Variants in THRB observed in about 807,000 individuals in gnomAD.
THRB encodes the protein nuclear receptor subfamily 1 group A member 2.
Under a neutral mutation model 47.8 loss-of-function variants are expected in THRB, and 12 were observed. The ratio of observed to expected loss-of-function variants is 0.25; its 90% CI spans 0.16 to 0.41. THRB has a LOEUF of 0.41. Among genes scored for constraint, THRB ranks in the 10% least tolerant of loss-of-function variants. The probability of loss-of-function intolerance (pLI) is 1.00; values close to 1 mark genes in which losing one functional copy is unlikely to be tolerated. For synonymous variants in THRB, 218 were observed against 212.2 expected (o/e 1.03, Z -0.24); for missense variants, 348 against 589.2 (o/e 0.59, Z 4.24).
intron 1 of THRB, among the ~76,000 whole-genome samples, chr3:24,415,048 C>T (rs538822922): frequency 6.6e-6 from 1 of 151,938 alleles, no homozygotes; most frequent in South Asian, 2.1e-4. Flanking sequence ...TCCAGAGTAG[C>T]TTTCCAAAAA....
chr3:24,420,269 G>C (rs2150280987), intron 1 of THRB, among the ~76,000 whole-genome samples: 1 of 152,022 alleles, frequency 6.6e-6, no homozygotes, highest in East Asian at 2.0e-4. Flanking sequence ...AGGACTTCAA[G>C]ATGGAACCAG....
At chr3:24,393,772 A>G (rs554182410) in intron 1 of THRB, among the ~76,000 whole-genome samples, 1 of 152,286 alleles carries the variant, frequency 6.6e-6, no homozygotes, top group East Asian at 1.9e-4. Flanking sequence ...CTGCCAAAGA[A>G]TGAAGACTTT....
In THRB at chr3:24,182,373, C is replaced by T. The variant is rs183230969; in HGVS notation, c.283+7701G>A. Among the ~76,000 whole-genome samples the T allele has an allele frequency of 1.3e-3, 205 of 152,234 alleles. 3 individuals are homozygous for T. Among genetic ancestry groups the T allele is most frequent in the African/African-American group, 4.7e-3 (196 of 41,540 alleles). ...TGTAAGGCTGACCCTCCCAATAATA[C>T]CTTTCCAACTTCAGTGCTAGGTACA... On this transcript the variant is annotated intron_variant, in intron 5 of 10. Transcript: ENST00000646209.
intron 5 of THRB, 66 bp downstream of exon 5, chr3:24,190,008 G>T: frequency 6.8e-7 from 1 of 1,476,648 alleles, no homozygotes. Flanking sequence ...GAAGTACACA[G>T]CTACAACAGG....
At chr3:24,318,947 A>C (rs554868808) in intron 2 of THRB, among the ~76,000 whole-genome samples, 2 of 152,252 alleles carry the variant, frequency 1.3e-5, no homozygotes, top group Admixed American at 6.5e-5. Context: ...TTGCACATGC[A>C]GTAGCCTGAA....
chr3:24,455,027 C>T (rs1408070846), intron 1 of THRB: 2 of 148,446 alleles, frequency 1.3e-5, no homozygotes, highest in African/African-American at 5.0e-5. Flanking sequence ...ACAGAGATTG[C>T]TTTTTATTGC....
At chr3:24,450,573 C>T (rs550003497) in intron 1 of THRB, among the ~76,000 whole-genome samples, 2 of 152,308 alleles carry the variant, frequency 1.3e-5, no homozygotes, top group African/African-American at 2.4e-5. Context: ...TTCATGACAA[C>T]CTTTGTACTT....
chr3:24,376,560 G>A (rs1019735592), intron 1 of THRB, among the ~76,000 whole-genome samples: 5 of 152,130 alleles, frequency 3.3e-5, no homozygotes, highest in Admixed American at 2.6e-4. Flanking sequence ...GGGTGTTTGA[G>A]GGCTACAAAA....
chr3:24,476,164 T>A (rs1480289769), intron 1 of THRB, among the ~76,000 whole-genome samples: 2 of 152,244 alleles, frequency 1.3e-5, no homozygotes, highest in Admixed American at 1.3e-4. Context: ...AGCACCCTGC[T>A]GCACAAACCA....
intron 1 of THRB, among the ~76,000 whole-genome samples, chr3:24,427,807 A>C (rs918730803): frequency 2.0e-5 from 3 of 152,064 alleles, no homozygotes; most frequent in African/African-American, 7.2e-5. Context: ...TTTGAACTTG[A>C]ATCATAGTAT....
chr3:24,182,225 AAAC>A (rs973532343), intron 5 of THRB, among the ~76,000 whole-genome samples: 2 of 138,538 alleles, frequency 1.4e-5, no homozygotes. Context: ...ACAAAAAAAC[AAAC>A]AAAAAAAAGA....
chr3:24,411,129 C>T (rs2068258526), intron 1 of THRB, among the ~76,000 whole-genome samples: 1 of 151,712 alleles, frequency 6.6e-6, no homozygotes, highest in Non-Finnish European at 1.5e-5. Context: ...ATTGAAACTG[C>T]AACATTGGCC....
intron 4 of THRB, among the ~76,000 whole-genome samples, chr3:24,206,829 C>T (rs966840399): frequency 6.6e-6 from 1 of 152,106 alleles, no homozygotes; most frequent in Admixed American, 6.5e-5. Context: ...ACCACCCATC[C>T]CACAGAAATA....
At chr3:24,258,607 G>T (rs2051583432) in intron 3 of THRB, among the ~76,000 whole-genome samples, 1 of 152,138 alleles carries the variant, frequency 6.6e-6, no homozygotes, top group Non-Finnish European at 1.5e-5. Context: ...CTTTTGTGTT[G>T]AGTACAGATG....
chr3:24,224,728 C>A (rs1309361039), intron 4 of THRB, among the ~76,000 whole-genome samples: 8 of 152,166 alleles, frequency 5.3e-5, no homozygotes, highest in Admixed American at 5.2e-4. Flanking sequence ...TTTCTTTATA[C>A]TCAACCATCA....
chr3:24,348,423 C>T (rs529142778), intron 1 of THRB: 9 of 152,292 alleles, frequency 5.9e-5, no homozygotes, highest in African/African-American at 2.2e-4. Flanking sequence ...CTGAATGTCA[C>T]CTAGTGACAT....
At chr3:24,331,337 G>A (rs1222362365) in intron 2 of THRB, among the ~76,000 whole-genome samples, 1 of 152,132 alleles carries the variant, frequency 6.6e-6, no homozygotes. Context: ...GGGAAAAAGG[G>A]AGAACAAAAC....
intron 1 of THRB, among the ~76,000 whole-genome samples, chr3:24,443,376 A>G (rs1190474169): frequency 1.3e-5 from 2 of 152,226 alleles, no homozygotes; most frequent in Non-Finnish European, 2.9e-5. Context: ...TAATCCCGAT[A>G]CAGAGAATTT....
intron 6 of THRB, among the ~76,000 whole-genome samples, chr3:24,148,991 C>G (rs1001160283): frequency 3.3e-5 from 5 of 152,224 alleles, no homozygotes; most frequent in African/African-American, 1.2e-4. Flanking sequence ...AAGATTCACT[C>G]ATTCACACGC....
Sources: allele counts gnomAD v4.1 joint callset (sites outside exome capture counted in the v4.1 genomes callset), GRCh38; gene constraint gnomAD v4.1.1; transcripts MANE v1.5; gene names NCBI Gene and HGNC (gene_info 2026-07-23, HGNC 2026-07-21).